The following SLC22A15 variants were observed in gnomAD, a reference collection of about 807,000 sequenced individuals.
The protein encoded by SLC22A15 is flipt 1.
SLC22A15 carries 45 observed loss-of-function variants against 62.7 expected under a neutral mutation model. That is an observed-to-expected ratio of 0.72 (90% CI 0.56 to 0.92). The LOEUF is 0.92. SLC22A15 is among the 40% of genes least tolerant of loss of function. The pLI is 0.00. For missense variants in SLC22A15, 622 were observed against 665.6 expected, an observed-to-expected ratio of 0.93 and a Z score of 0.72; for synonymous variants, 264 against 267.0, an observed-to-expected ratio of 0.99 and a Z score of 0.11.
chr1:116,028,972 C>A (rs961068897), intron 5 of SLC22A15, among the ~76,000 whole-genome samples: 8 of 152,116 alleles, frequency 5.3e-5, no homozygotes, highest in African/African-American at 1.9e-4. Flanking sequence ...TCACCCATAC[C>A]CTTTGAGTGG....
chr1:116,065,681 A>G (rs1476078075), intron 10 of SLC22A15, among the ~76,000 whole-genome samples: 2 of 151,696 alleles, frequency 1.3e-5, no homozygotes, highest in African/African-American at 2.4e-5. Flanking sequence ...CTCCTTCTCC[A>G]TCATCTCTTC....
At chr1:115,989,278 G>C (rs189849706) in intron 1 of SLC22A15, among the ~76,000 whole-genome samples, 35 of 152,228 alleles carry the variant, frequency 2.3e-4, no homozygotes, top group Non-Finnish European at 4.7e-4. Context: ...GATTAATACA[G>C]ATAATACTGA....
rs1658566871 is a variant in SLC22A15, at chr1:116,069,409, A to T, written c.*2301A>T. On this transcript the variant is annotated 3_prime_UTR_variant, in exon 12 of 12. Transcript: ENST00000369503. The stretch of plus-strand genomic sequence containing the variant: ...TAAATTATTGGAAAACTTTTCATTG[A>T]CAGGTAATGTATTTTGGTTGTGCGG... 1 of 152,192 alleles carries T rather than the reference A, an allele frequency of 6.6e-6. No homozygotes were observed. The highest frequency in any genetic ancestry group is 6.6e-5 in the Admixed American group (1 of 15,262). The allele number at this position is 152,192 out of a possible 1,614,324, so 9.4% of individuals were successfully genotyped here.
At chr1:116,064,384 T>C in intron 9 of SLC22A15, 52 bp from the exon 10 acceptor site, 1 of 1,386,360 alleles carries the variant, frequency 7.2e-7, no homozygotes, top group Non-Finnish European at 1.0e-6. Context: ...CCCAAGGGTC[T>C]CTTAATTCCT....
At position 115,992,240 on chromosome 1, in the gene SLC22A15, G is replaced by A. The variant is rs141957093; in HGVS notation, c.297G>A (p.Ser99=). 3.4e-5 allele frequency: 53 copies of A among 1,574,856 alleles called. No individual in the cohort carries two copies. Among genetic ancestry groups the A allele is most frequent in the Middle Eastern group, 1.7e-4 (1 of 6,012 alleles). Residue 99 remains serine, a synonymous_variant, in exon 2 of 12, where the codon TCG becomes TCA. Coordinates refer to ENST00000369503, the MANE Select transcript of SLC22A15 (RefSeq NM_018420.3). ...HFSSSFTSIA[S]EWFLIANRSY... ...GCAGCAGCTTCACCTCCATCGCCTC[G>A]GAGGTAACAACAGGCTGTTTCAATC...
chr1:116,026,761 TG>T, intron 4 of SLC22A15, 131 bp from the exon 5 acceptor site: 3 of 1,011,814 alleles, frequency 3.0e-6, no homozygotes, highest in East Asian at 2.5e-5. Context: ...TTTTCTTTTC[TG>T]GTGTGCCTCT....
chr1:116,021,673 A>G (rs1422586388), intron 4 of SLC22A15, among the ~76,000 whole-genome samples: 1 of 152,188 alleles, frequency 6.6e-6, no homozygotes, highest in African/African-American at 2.4e-5. Flanking sequence ...AACCTGATAC[A>G]CAGTGCCAGC....
intron 2 of SLC22A15, among the ~76,000 whole-genome samples, chr1:116,012,378 A>G (rs1656314807): frequency 6.6e-6 from 1 of 151,728 alleles, no homozygotes; most frequent in Non-Finnish European, 1.5e-5. Context: ...CTCCTAGTTC[A>G]TGGATTAGCC....
intron 2 of SLC22A15, among the ~76,000 whole-genome samples, chr1:116,016,136 C>G (rs1179910252): frequency 6.7e-6 from 1 of 149,578 alleles, no homozygotes; most frequent in Non-Finnish European, 1.5e-5. Context: ...TTCTCTCCTT[C>G]TCTCCTCTTC....
chr1:116,028,836 G>T (rs1182982813), intron 5 of SLC22A15, among the ~76,000 whole-genome samples: 1 of 151,936 alleles, frequency 6.6e-6, no homozygotes, highest in East Asian at 1.9e-4. Context: ...ACAATCTTCT[G>T]CCCAGATCTT....
intron 6 of SLC22A15, chr1:116,032,011 C>T: frequency 9.6e-7 from 1 of 1,043,606 alleles, no homozygotes; most frequent in Non-Finnish European, 1.2e-6. Context: ...GATTGCGGTG[C>T]TCCATGCTGC....
At chr1:116,021,473 A>G (rs912059529) in intron 4 of SLC22A15, among the ~76,000 whole-genome samples, 5 of 152,236 alleles carry the variant, frequency 3.3e-5, no homozygotes, top group African/African-American at 1.2e-4. Flanking sequence ...TCATAAGAGA[A>G]GTAACTGTGT....
At chr1:115,991,956 T>G in intron 1 of SLC22A15, 75 bp from the exon 2 acceptor site, 1 of 1,272,000 alleles carries the variant, frequency 7.9e-7, no homozygotes, top group Non-Finnish European at 1.1e-6. Context: ...TTTCAAGGTT[T>G]GCAAGCCTGC....
chr1:116,005,176 G>T (rs1655916762), intron 2 of SLC22A15, among the ~76,000 whole-genome samples: 1 of 151,750 alleles, frequency 6.6e-6, no homozygotes, highest in Non-Finnish European at 1.5e-5. Context: ...GAATTTTATT[G>T]GTTTCTGTTC....
chr1:116,043,294 T>C (rs1482871242), intron 8 of SLC22A15, among the ~76,000 whole-genome samples: 1 of 152,038 alleles, frequency 6.6e-6, no homozygotes. Context: ...GTCATGGTGG[T>C]GTGCACCTGT....
intron 4 of SLC22A15, among the ~76,000 whole-genome samples, chr1:116,023,471 G>A (rs1018509013): frequency 1.3e-5 from 2 of 152,144 alleles, no homozygotes; most frequent in Admixed American, 6.5e-5. Context: ...CCCTAGAGAC[G>A]ACCATGGTTA....
intron 2 of SLC22A15, among the ~76,000 whole-genome samples, chr1:116,000,625 C>CTTTTTTTTTTTTTTTTTTTTT (rs56303802): frequency 1.1e-5 from 1 of 88,214 alleles, no homozygotes; most frequent in Non-Finnish European, 2.2e-5. Flanking sequence ...CTTTTTTTTC[C>CTTTTTTTTTTTTTTTTTTTTT]TTTTTTTTTT....
intron 1 of SLC22A15, among the ~76,000 whole-genome samples, chr1:115,986,966 C>G (rs1041871017): frequency 6.6e-6 from 1 of 152,122 alleles, no homozygotes; most frequent in South Asian, 2.1e-4. Context: ...GCTTTCACAC[C>G]ACACAGTGAA....
At position 115,987,511 on chromosome 1, in the gene SLC22A15, G is replaced by A. The variant is rs1193423005; in HGVS notation, c.88-4520G>A. ...AGTATTTAGAGGCACCAGTTACTCC[G>A]GGTGTGTTAGTGTGTCTCAAATTTT... is the stretch of plus-strand genomic sequence containing the variant. On this transcript the variant is annotated intron_variant, in intron 1 of 11. Coordinates refer to ENST00000369503, the MANE Select transcript of SLC22A15 (RefSeq NM_018420.3). 4.6e-5 allele frequency among the ~76,000 whole-genome samples: 7 copies of A among 152,074 alleles called. 1 individual carries two copies. Among genetic ancestry groups the A allele is most frequent in the African/African-American group, 9.7e-5 (4 of 41,404 alleles).
Sources: allele counts gnomAD v4.1 joint callset (sites outside exome capture counted in the v4.1 genomes callset), GRCh38; gene constraint gnomAD v4.1.1; transcripts MANE v1.5; gene names NCBI Gene and HGNC (gene_info 2026-07-23, HGNC 2026-07-21).